The following DLGAP2 variants were observed in gnomAD, a reference collection of about 807,000 sequenced individuals.
DLGAP2 encodes the protein disks large-associated protein 2.
In DLGAP2, 26 loss-of-function variants were observed where a neutral mutation model predicts 100.3. That is an observed-to-expected ratio of 0.26 (90% CI 0.19 to 0.36). The LOEUF is 0.36. Among genes scored for constraint, DLGAP2 ranks in the 10% least tolerant of loss-of-function variants. The probability of loss-of-function intolerance (pLI) is 1.00; values close to 1 mark genes in which losing one functional copy is unlikely to be tolerated. For missense variants in DLGAP2, 1,858 were observed against 1,453.2 expected (o/e 1.28, Z -4.53); for synonymous variants, 886 against 630.1 (o/e 1.41, Z -6.08).
intron 3 of DLGAP2, among the ~76,000 whole-genome samples, chr8:1,295,224 A>G (rs375403131): frequency 6.6e-6 from 1 of 152,330 alleles, no homozygotes; most frequent in East Asian, 1.9e-4. Context: ...GACTGAAAGC[A>G]GGAACCTGAA....
chr8:960,338 C>G (rs769553750), intron 2 of DLGAP2, among the ~76,000 whole-genome samples: 1 of 147,668 alleles, frequency 6.8e-6, no homozygotes, highest in Non-Finnish European at 1.5e-5. Context: ...TGGCTTCAAT[C>G]GATTCTCGTG....
rs187370630 is a variant in DLGAP2, at chr8:1,299,211, G to A, written c.106+40328G>A. ...AGTGGTGGTGGGTACTGTGCAGGGC[G>A]GCACAGCTCTGGGCTCCGCCATAGA... is the stretch of plus-strand genomic sequence containing the variant. On this transcript the variant is annotated intron_variant, in intron 3 of 14. Coordinates refer to ENST00000637795, the MANE Select transcript of DLGAP2 (RefSeq NM_001346810.2). Among the ~76,000 whole-genome samples, 459 of 152,344 alleles carry A rather than the reference G, an allele frequency of 3.0e-3. 5 individuals carry two copies. The highest frequency in any genetic ancestry group is 5.4e-3 in the Non-Finnish European group (366 of 68,024).
At chr8:762,362 G>A (rs931846472) in intron 1 of DLGAP2, among the ~76,000 whole-genome samples, 50 of 152,296 alleles carry the variant, frequency 3.3e-4, no homozygotes, top group African/African-American at 1.0e-3. Context: ...TTGCATATAC[G>A]TCTTTGTTGC....
At position 1,311,590 on chromosome 8, in the gene DLGAP2, G is replaced by A. The variant is rs536739748; in HGVS notation, c.106+52707G>A. Among the ~76,000 whole-genome samples, 12 of 152,138 alleles carry A rather than the reference G, an allele frequency of 7.9e-5. No individual in the cohort carries two copies. The South Asian group carries it at 1.7e-3, about 21-fold the overall frequency. The stretch of plus-strand genomic sequence containing the variant: ...AAGGTTTAGACTTGTCATCAGGTGG[G>A]ATTTATTCCAGGAATGTAAAAGTGG... On this transcript the variant is annotated intron_variant, in intron 3 of 14. Transcript: ENST00000637795.
At chr8:1,689,581 A>C (rs1480581353) in intron 12 of DLGAP2, among the ~76,000 whole-genome samples, 1 of 152,186 alleles carries the variant, frequency 6.6e-6, no homozygotes, top group East Asian at 1.9e-4. Context: ...CAGCACTTTC[A>C]GTTTTAGGGT....
chr8:1,624,845 T>TTCTC lies in DLGAP2; in HGVS notation c.1443-1875_1443-1872dup, dbSNP rs372888355. Among the ~76,000 whole-genome samples the TTCTC allele has an allele frequency of 9.2e-3, 1,155 of 126,150 alleles. 12 individuals carry two copies. The highest frequency in any genetic ancestry group is 0.034 in the African/African-American group (958 of 28,254). 82.8% of individuals were successfully genotyped at this position (126,150 alleles called of 152,430 possible). A position where few individuals can be genotyped will look rare whatever the true frequency, so the allele number is the denominator to read the frequency against. On this transcript the variant is annotated intron_variant, in intron 6 of 14. Coordinates refer to ENST00000637795, the MANE Select transcript of DLGAP2 (RefSeq NM_001346810.2). Reference sequence around the variant, plus strand: ...TCAAAACTAATTTCCTCCCTTTGCTTTCTCTCTCTCTCTCTCTCTCTCTGT... The same window carrying TTCTC: ...TCAAAACTAATTTCCTCCCTTTGCTTTCTCTCTCTCTCTCTCTCTCTCTCTCTGT...
At chr8:1,632,708 G>C (rs893720109) in intron 7 of DLGAP2, 119 bp from the exon 8 acceptor site, 36 of 954,996 alleles carry the variant, frequency 3.8e-5, no homozygotes, top group Non-Finnish European at 4.8e-5. Context: ...CAGGTTAACT[G>C]TGCTGAACTA....
intron 5 of DLGAP2, among the ~76,000 whole-genome samples, chr8:1,550,478 A>G (rs1280160524): frequency 6.6e-6 from 1 of 152,104 alleles, no homozygotes; most frequent in East Asian, 1.9e-4. Flanking sequence ...CAGCAAACAC[A>G]GACTTGCCCA....
At chr8:802,376 C>A (rs932000731) in intron 1 of DLGAP2, among the ~76,000 whole-genome samples, 1 of 151,858 alleles carries the variant, frequency 6.6e-6, no homozygotes, top group Non-Finnish European at 1.5e-5. Flanking sequence ...CTTCCCTCAT[C>A]CAGCCCAGTC....
chr8:1,176,606 G>GCTT (rs1179791373), intron 2 of DLGAP2, among the ~76,000 whole-genome samples: 141 of 151,730 alleles, frequency 9.3e-4, no homozygotes, highest in African/African-American at 3.1e-3. Context: ...CACGACAGGG[G>GCTT]TCGTGTTTCC....
At chr8:1,524,527 G>A (rs2130431504) in intron 4 of DLGAP2, among the ~76,000 whole-genome samples, 1 of 152,234 alleles carries the variant, frequency 6.6e-6, no homozygotes, top group Non-Finnish European at 1.5e-5. Flanking sequence ...CCAAGGTATG[G>A]CAGAGCTGAA....
chr8:1,152,159 C>T (rs1271170961), intron 2 of DLGAP2, among the ~76,000 whole-genome samples: 1 of 152,174 alleles, frequency 6.6e-6, no homozygotes, highest in African/African-American at 2.4e-5. Context: ...TATTTGTAGA[C>T]ATTTATCTAT....
chr8:1,063,389 T>C (rs779578972), intron 2 of DLGAP2, among the ~76,000 whole-genome samples: 1 of 152,148 alleles, frequency 6.6e-6, no homozygotes, highest in Non-Finnish European at 1.5e-5. Context: ...CTCGGGGTTG[T>C]ACCGTCCACA....
chr8:1,523,924 TA>T (rs1800702568), intron 4 of DLGAP2, among the ~76,000 whole-genome samples: 1 of 152,174 alleles, frequency 6.6e-6, no homozygotes, highest in Non-Finnish European at 1.5e-5. Flanking sequence ...GAGATAATCT[TA>T]AGCTGCTGGA....
intron 3 of DLGAP2, among the ~76,000 whole-genome samples, chr8:1,416,307 C>G (rs1354581056): frequency 6.6e-6 from 1 of 152,194 alleles, no homozygotes; most frequent in Non-Finnish European, 1.5e-5. Flanking sequence ...GCCATGGAAA[C>G]CAGCTTCCCG....
chr8:1,164,190 T>C (rs1366866722), intron 2 of DLGAP2, among the ~76,000 whole-genome samples: 29 of 124,468 alleles, frequency 2.3e-4, no homozygotes, highest in Non-Finnish European at 4.0e-4. Context: ...TTTGTGGGGA[T>C]TTTTCTGTGA....
chr8:1,691,526 T>C lies in DLGAP2; in HGVS notation c.2705-9T>C. 1.9e-6 allele frequency: 3 copies of C among 1,609,734 alleles called. No individual in the cohort carries two copies. Among genetic ancestry groups the C allele is most frequent in the Non-Finnish European group, 2.5e-6 (3 of 1,178,756 alleles). On this transcript the variant is annotated splice_polypyrimidine_tract_variant and intron_variant, in intron 12 of 14. Coordinates refer to ENST00000637795, the MANE Select transcript of DLGAP2 (RefSeq NM_001346810.2). ...GTTGTTTTTTTGTTTTTGTTTTTGT[T>C]TTAAACAGTTCTCGGTAAAATCAGG...
At chr8:1,668,739 A>G (rs1798613086) in intron 9 of DLGAP2, 61 bp downstream of exon 9, 1 of 1,423,110 alleles carries the variant, frequency 7.0e-7, no homozygotes, top group South Asian at 1.5e-5. Flanking sequence ...ATAGCCTAGA[A>G]TAAGCCAAAA....
rs551215409 is a variant in DLGAP2, at chr8:1,456,543, T to TA, written c.107-44818dup. ...GTCCCAGAAAAGGCCCATTTCATAG[T>TA]AAAAACTGGTTTGTAAAAATTATTA... is the stretch of plus-strand genomic sequence containing the variant. On this transcript the variant is annotated intron_variant, in intron 3 of 14. Transcript: ENST00000637795. Among the ~76,000 whole-genome samples the TA allele has an allele frequency of 1.2e-4, 18 of 152,332 alleles. No homozygotes were observed. The South Asian group carries it at 3.7e-3, about 32-fold the overall frequency.
Sources: allele counts gnomAD v4.1 joint callset (sites outside exome capture counted in the v4.1 genomes callset), GRCh38; gene constraint gnomAD v4.1.1; transcripts MANE v1.5; gene names NCBI Gene and HGNC (gene_info 2026-07-23, HGNC 2026-07-21).